LRP1B: variants seen among roughly 807,000 people sequenced by gnomAD.
LRP1B encodes the protein low-density lipoprotein receptor-related protein 1B.
Under a neutral mutation model 556.6 loss-of-function variants are expected in LRP1B, and 217 were observed. The observed-to-expected ratio is 0.39, with a 90% CI of 0.35 to 0.44. The LOEUF (loss-of-function observed/expected upper bound fraction) is 0.44. Among genes scored for constraint, LRP1B ranks in the 20% least tolerant of loss-of-function variants. The pLI is 1.00. For synonymous variants in LRP1B, 2,047 were observed against 1,865.8 expected (o/e 1.10, Z -2.50); for missense variants, 5,053 against 5,620.8 (o/e 0.90, Z 3.23).
intron 41 of LRP1B, among the ~76,000 whole-genome samples, chr2:140,608,431 G>A (rs1056403318): frequency 1.6e-4 from 24 of 152,314 alleles, no homozygotes; most frequent in African/African-American, 5.5e-4. Context: ...TCGTGGATCT[G>A]TTAAGTTTAG....
At chr2:140,608,034 T>G (rs2105217108) in intron 41 of LRP1B, among the ~76,000 whole-genome samples, 1 of 151,902 alleles carries the variant, frequency 6.6e-6, no homozygotes, top group Non-Finnish European at 1.5e-5. Context: ...AATAATAATT[T>G]TTTCCACCAG....
intron 1 of LRP1B, among the ~76,000 whole-genome samples, chr2:142,015,316 G>A (rs937101119): frequency 5.3e-5 from 8 of 152,066 alleles, no homozygotes; most frequent in African/African-American, 1.9e-4. Context: ...ATTGGCTAGC[G>A]ATATGCAGAA....
intron 2 of LRP1B, among the ~76,000 whole-genome samples, chr2:141,641,959 A>G (rs891974246): frequency 1.3e-5 from 2 of 152,150 alleles, no homozygotes; most frequent in Middle Eastern, 3.2e-3. Context: ...TTGGTCAGCA[A>G]TATTTGTTGA....
intron 1 of LRP1B, among the ~76,000 whole-genome samples, chr2:141,894,323 A>T (rs1476265752): frequency 6.6e-6 from 1 of 151,742 alleles, no homozygotes; most frequent in Admixed American, 6.6e-5. Context: ...AATCATAAAA[A>T]TTTTCCCTCC....
At chr2:140,479,866 G>A (rs1688158278) in intron 59 of LRP1B, among the ~76,000 whole-genome samples, 1 of 152,114 alleles carries the variant, frequency 6.6e-6, no homozygotes, top group African/African-American at 2.4e-5. Flanking sequence ...ATCTTGGTCT[G>A]CCTTTCATTC....
chr2:141,099,175 A>C (rs554661042), intron 7 of LRP1B, among the ~76,000 whole-genome samples: 2 of 152,244 alleles, frequency 1.3e-5, no homozygotes, highest in Admixed American at 6.5e-5. Context: ...CACTAAACAC[A>C]GTGTCTCACC....
intron 3 of LRP1B, among the ~76,000 whole-genome samples, chr2:141,469,932 G>A (rs993680910): frequency 6.6e-6 from 1 of 152,232 alleles, no homozygotes; most frequent in Non-Finnish European, 1.5e-5. Flanking sequence ...TAAAACATTT[G>A]TGACAGTAAA....
chr2:140,780,045 G>GA (rs1189027583), intron 32 of LRP1B, among the ~76,000 whole-genome samples: 1 of 148,898 alleles, frequency 6.7e-6, no homozygotes, highest in Non-Finnish European at 1.5e-5. Flanking sequence ...AAAAGAGAAA[G>GA]AAAAAAAGGA....
At chr2:140,522,204 A>T (rs944945314) in intron 49 of LRP1B, among the ~76,000 whole-genome samples, 3 of 152,012 alleles carry the variant, frequency 2.0e-5, no homozygotes, top group South Asian at 2.1e-4. Context: ...GTCTCAATAA[A>T]TTTTTTAAAA....
At chr2:141,018,627 A>T (rs1417388643) in intron 12 of LRP1B, among the ~76,000 whole-genome samples, 2 of 152,142 alleles carry the variant, frequency 1.3e-5, no homozygotes, top group African/African-American at 4.8e-5. Context: ...AAGACTCTTT[A>T]GCTCTATCAG....
intron 83 of LRP1B, 30 bp downstream of exon 83, chr2:140,314,905 T>C (rs761811485): frequency 1.3e-6 from 2 of 1,523,770 alleles, no homozygotes; most frequent in South Asian, 2.6e-5. Flanking sequence ...GTGAAAAAGA[T>C]GTGAAATACA....
chr2:141,718,936 T>G (rs1326492432), intron 2 of LRP1B, among the ~76,000 whole-genome samples: 1 of 151,818 alleles, frequency 6.6e-6, no homozygotes, highest in Non-Finnish European at 1.5e-5. Context: ...AATATTTCTA[T>G]TATAATGAAA....
intron 1 of LRP1B, among the ~76,000 whole-genome samples, chr2:142,026,030 A>C (rs1703490405): frequency 6.6e-6 from 1 of 152,140 alleles, no homozygotes; most frequent in Non-Finnish European, 1.5e-5. Context: ...AAGTCAAAGC[A>C]GACATGAGCT....
chr2:140,404,804 C>T (rs910566410), intron 66 of LRP1B, among the ~76,000 whole-genome samples: 1 of 152,056 alleles, frequency 6.6e-6, no homozygotes, highest in Non-Finnish European at 1.5e-5. Flanking sequence ...ATAAAACAGA[C>T]TTAAACAAAT....
intron 1 of LRP1B, among the ~76,000 whole-genome samples, chr2:142,048,884 T>C (rs1034070037): frequency 6.6e-6 from 1 of 152,028 alleles, no homozygotes; most frequent in Non-Finnish European, 1.5e-5. Context: ...GCATAAATTA[T>C]CAGGCCTGAA....
intron 77 of LRP1B, among the ~76,000 whole-genome samples, chr2:140,347,265 C>T (rs1191204245): frequency 1.3e-5 from 2 of 151,616 alleles, no homozygotes; most frequent in Admixed American, 6.6e-5. Context: ...AATCATGTCA[C>T]TCTTTTAAGT....
At chr2:140,938,153 T>A (rs916782969) in intron 20 of LRP1B, among the ~76,000 whole-genome samples, 23 of 152,018 alleles carry the variant, frequency 1.5e-4, no homozygotes, top group African/African-American at 5.6e-4. Context: ...CTTTTCCTCA[T>A]CTACACAATA....
chr2:141,485,227 T>A (rs1236936680), intron 2 of LRP1B, among the ~76,000 whole-genome samples: 4 of 152,122 alleles, frequency 2.6e-5, no homozygotes, highest in African/African-American at 9.7e-5. Flanking sequence ...TTGTCTTGGT[T>A]GCCAGGACTA....
intron 35 of LRP1B, among the ~76,000 whole-genome samples, chr2:140,767,875 A>G (rs1226209242): frequency 6.6e-6 from 1 of 151,902 alleles, no homozygotes; most frequent in African/African-American, 2.4e-5. Flanking sequence ...TATACATAAA[A>G]TCTTTTAAAA....
Sources: allele counts gnomAD v4.1 joint callset (sites outside exome capture counted in the v4.1 genomes callset), GRCh38; gene constraint gnomAD v4.1.1; transcripts MANE v1.5; gene names NCBI Gene and HGNC (gene_info 2026-07-23, HGNC 2026-07-21).